TGM4: variants seen among roughly 807,000 people sequenced by gnomAD.
The protein encoded by TGM4 is transglutaminase 4, also known as protein-glutamine gamma-glutamyltransferase 4.
TGM4 carries 61 observed loss-of-function variants against 76.3 expected under a neutral mutation model. The observed-to-expected ratio is 0.80, with a 90% CI of 0.65 to 0.99. The LOEUF is 0.99. Ranked by LOEUF, TGM4 falls within the 50% of genes least tolerant of loss-of-function variation. The pLI, the probability that TGM4 is intolerant of heterozygous loss-of-function variation, is 0.00. For synonymous variants in TGM4, 337 were observed against 329.8 expected (o/e 1.02, Z -0.24); for missense variants, 794 against 843.2 (o/e 0.94, Z 0.72).
Position 44,895,121 on chromosome 3 carries a change from C to T in TGM4, c.549+1426C>T, listed in dbSNP as rs967203729. Among the ~76,000 whole-genome samples, 34 of 152,068 alleles carry T rather than the reference C, an allele frequency of 2.2e-4. 1 individual carries two copies. The highest frequency in any genetic ancestry group is 1.2e-3 in the Admixed American group (18 of 15,290). On this transcript the variant is annotated intron_variant, in intron 5 of 13. Transcript: ENST00000296125. The stretch of plus-strand genomic sequence containing the variant: ...TCATCCTGGCTAACACAGTGAAACC[C>T]CGTCTCTACTAAAAATACAAAACAT...
chr3:44,907,265 AG>A, intron 10 of TGM4, 65 bp downstream of exon 10: 1 of 1,567,830 alleles, frequency 6.4e-7, no homozygotes, highest in Non-Finnish European at 8.7e-7. Context: ...AAAATAGTCA[AG>A]ATTGGGGGTG....
chr3:44,913,902 C>A lies in TGM4; in HGVS notation c.*177C>A. ...CAGACCCACAAGGCCAGGTCCTGTG[C>A]TATCACAGGGTCACCTCTTTTACAG... On this transcript the variant is annotated 3_prime_UTR_variant, in exon 14 of 14. Transcript: ENST00000296125. 5 of 753,906 alleles carry A rather than the reference C, an allele frequency of 6.6e-6. No homozygotes were observed. Among genetic ancestry groups the A allele is most frequent in the Non-Finnish European group, 1.0e-5 (5 of 483,940 alleles). The allele number at this position is 753,906 out of a possible 1,614,324, so 46.7% of individuals were successfully genotyped here. A position where few individuals can be genotyped will look rare whatever the true frequency, so the allele number is the denominator to read the frequency against.
chr3:44,901,588 C>A lies in TGM4; in HGVS notation c.722C>A (p.Thr241Lys), dbSNP rs565770941. The A allele has an allele frequency of 6.8e-6, 11 of 1,614,060 alleles. No homozygotes were observed. The South Asian group carries it at 1.1e-4, about 16-fold the overall frequency. Reference sequence around the variant, plus strand: ...TGGACTGGGGACTACGAAGGTGGCACAGCCCCATACAAGTGGACAGGCAGT... The same window carrying A: ...TGGACTGGGGACTACGAAGGTGGCAAAGCCCCATACAAGTGGACAGGCAGT... ...GNWTGDYEGG[T>K]APYKWTGSAP... Residue 241 changes from threonine (T) to lysine (K), a missense_variant, in exon 7 of 14, where the codon ACA (threonine) becomes AAA (lysine). By Grantham distance (78) the Thr-to-Lys change is moderately conservative. Transcript: ENST00000296125.
chr3:44,877,962 G>A (rs1042241668), intron 1 of TGM4, among the ~76,000 whole-genome samples: 6 of 152,010 alleles, frequency 3.9e-5, no homozygotes, highest in African/African-American at 1.2e-4. Context: ...ACCAGCCTGG[G>A]CAACATAAGG....
At chr3:44,909,769 C>T (rs1699975347) in intron 10 of TGM4, among the ~76,000 whole-genome samples, 1 of 152,140 alleles carries the variant, frequency 6.6e-6, no homozygotes, top group African/African-American at 2.4e-5. Context: ...AATAAATGCT[C>T]CTTAGATTAT....
chr3:44,908,360 A>G (rs1699953750), intron 10 of TGM4, among the ~76,000 whole-genome samples: 1 of 151,666 alleles, frequency 6.6e-6, no homozygotes, highest in South Asian at 2.1e-4. Flanking sequence ...ATTAAAAGCA[A>G]TTAGGTCAGG....
Position 44,874,702 on chromosome 3 carries a change from G to C in TGM4, c.19+5G>C. 1 of 1,614,222 alleles carries C rather than the reference G, an allele frequency of 6.2e-7. No homozygotes were observed. Among genetic ancestry groups the C allele is most frequent in the Non-Finnish European group, 8.5e-7 (1 of 1,180,044 alleles). On this transcript the variant is annotated splice_donor_5th_base_variant and intron_variant, in intron 1 of 13. Coordinates refer to ENST00000296125, the MANE Select transcript of TGM4 (RefSeq NM_003241.4). ...GGATGATGGATGCATCAAAAGGTGA[G>C]TGGGTGAAATCTCCATGGAGCCCCA...
chr3:44,896,685 C>T lies in TGM4; in HGVS notation c.550-24C>T, dbSNP rs781676409. 5.6e-6 allele frequency: 9 copies of T among 1,611,074 alleles called. No homozygotes were observed. The Admixed American group carries it at 1.2e-4, about 21-fold the overall frequency. On this transcript the variant is annotated intron_variant, in intron 5 of 13. Coordinates refer to ENST00000296125, the MANE Select transcript of TGM4 (RefSeq NM_003241.4). ...TGACACAGGGCAAAGTCTTAACTGC[C>T]TCTTTCTTCATTTCCCAAAATAGTT...
At position 44,885,481 on chromosome 3, in the gene TGM4, A is replaced by C; in HGVS notation, c.176A>C (p.Lys59Thr). 1 of 1,611,474 alleles carries C rather than the reference A, an allele frequency of 6.2e-7. No individual in the cohort carries two copies. Among genetic ancestry groups the C allele is most frequent in the Non-Finnish European group, 8.5e-7 (1 of 1,178,972 alleles). The change falls in exon 2 of 14, where the codon AAA (lysine) becomes ACA (threonine). Residue 59 changes from lysine to threonine, a missense_variant. Physicochemically the swap from Lys to Thr is moderately conservative, Grantham distance 78. Coordinates refer to ENST00000296125, the MANE Select transcript of TGM4 (RefSeq NM_003241.4). ...NQPLQSYHQL[K>T]LEFSTGPNPS... ...CCCCTACAATCCTACCACCAACTGA[A>C]ACTGGAATTCAGCACAGGTGAAGCC...
At position 44,901,502 on chromosome 3, in the gene TGM4, C is replaced by T. The variant is rs531154029; in HGVS notation, c.658-22C>T. 4 of 1,587,264 alleles carry T rather than the reference C, an allele frequency of 2.5e-6. No individual in the cohort carries two copies. The African/African-American group carries it at 5.4e-5, about 21-fold the overall frequency. Reference sequence around the variant, plus strand: ...GTTCTTCTGAGGGGCGGACACTGACCCCACCCCTACGTGTGTGGCAGATGA... The same window carrying T: ...GTTCTTCTGAGGGGCGGACACTGACTCCACCCCTACGTGTGTGGCAGATGA... On this transcript the variant is annotated intron_variant, in intron 6 of 13. Coordinates refer to ENST00000296125, the MANE Select transcript of TGM4 (RefSeq NM_003241.4).
chr3:44,881,644 T>G (rs144208881), intron 1 of TGM4, among the ~76,000 whole-genome samples: 1 of 152,222 alleles, frequency 6.6e-6, no homozygotes, highest in Non-Finnish European at 1.5e-5. Flanking sequence ...CTCAAAAATA[T>G]ACATACAGAC....
intron 13 of TGM4, 76 bp downstream of exon 13, chr3:44,911,482 G>A (rs1700005169): frequency 6.5e-6 from 10 of 1,544,414 alleles, no homozygotes; most frequent in East Asian, 2.3e-5. Context: ...TTCCTGAGAA[G>A]TGAATTCCCA....
chr3:44,885,235 A>G (rs1699585961), intron 1 of TGM4, 90 bp from the exon 2 acceptor site: 1 of 1,373,766 alleles, frequency 7.3e-7, no homozygotes, highest in Admixed American at 2.2e-5. Flanking sequence ...CTCCACCTCA[A>G]TGCACTCTCA....
At chr3:44,890,280 A>G (rs767146477) in intron 3 of TGM4, 4 of 233,248 alleles carry the variant, frequency 1.7e-5, no homozygotes, top group Non-Finnish European at 3.4e-5. Context: ...CTTCCCAACA[A>G]CCTGGAGATG....
At chr3:44,878,448 T>C (rs1213577052) in intron 1 of TGM4, among the ~76,000 whole-genome samples, 1 of 129,840 alleles carries the variant, frequency 7.7e-6, no homozygotes, top group Admixed American at 8.4e-5. Flanking sequence ...ATTACTTTTG[T>C]TTTATTATTA....
At chr3:44,912,923 T>C (rs79231972) in intron 13 of TGM4, among the ~76,000 whole-genome samples, 2 of 152,230 alleles carry the variant, frequency 1.3e-5, no homozygotes, top group African/African-American at 4.8e-5. Flanking sequence ...TGCTGATATA[T>C]CCAGCAAAAA....
chr3:44,906,957 T>C lies in TGM4; in HGVS notation c.1084T>C (p.Cys362Arg), dbSNP rs369464962. ...TPQERSQGVF[C>R]CGPSPLTAIR... Reference sequence around the variant, plus strand: ...CCCTGGCTTCCCCTCAGGTGTCTTCTGCTGTGGGCCATCACCACTGACCGC... The same window carrying C: ...CCCTGGCTTCCCCTCAGGTGTCTTCCGCTGTGGGCCATCACCACTGACCGC... Residue 362 changes from cysteine (C) to arginine (R), a missense_variant, in exon 10 of 14, where the codon TGC becomes CGC. Cys to Arg is a radical substitution (Grantham distance 180). Coordinates refer to ENST00000296125, the MANE Select transcript of TGM4 (RefSeq NM_003241.4). The C allele has an allele frequency of 1.9e-6, 3 of 1,613,760 alleles. No homozygotes were observed. The highest frequency in any genetic ancestry group is 1.3e-5 in the African/African-American group (1 of 74,916).
intron 11 of TGM4, 130 bp downstream of exon 11, chr3:44,910,498 T>C (rs1014055995): frequency 1.6e-5 from 19 of 1,187,630 alleles, no homozygotes; most frequent in Admixed American, 8.4e-5. Flanking sequence ...CAAACATTTA[T>C]TGAGCACCTA....
chr3:44,913,191 TGAG>T (rs1172255890), intron 13 of TGM4, among the ~76,000 whole-genome samples: 1 of 152,216 alleles, frequency 6.6e-6, no homozygotes, highest in Non-Finnish European at 1.5e-5. Flanking sequence ...GAACACACTT[TGAG>T]TAGTGAGGGG....
Sources: gnomAD v4.1 joint callset for allele counts (sites outside exome capture counted in the v4.1 genomes callset) on GRCh38, gnomAD v4.1.1 for gene constraint, MANE v1.5 for transcripts, NCBI Gene and HGNC (gene_info 2026-07-23, HGNC 2026-07-21) for gene names.